ZNF383: variants seen among roughly 807,000 people sequenced by gnomAD.
ZNF383 encodes zinc finger protein 383.
A neutral mutation model predicts 44.2 loss-of-function variants in ZNF383; 32 were observed. That is an observed-to-expected ratio of 0.72 (90% CI 0.55 to 0.97). ZNF383 has a LOEUF of 0.97. Ranked by LOEUF, ZNF383 falls within the 50% of genes least tolerant of loss-of-function variation. The probability of loss-of-function intolerance (pLI) is 0.00; values close to 1 mark genes in which losing one functional copy is unlikely to be tolerated. For synonymous variants in ZNF383, 155 were observed against 186.2 expected, an observed-to-expected ratio of 0.83 and a Z score of 1.36; for missense variants, 487 against 562.5, an observed-to-expected ratio of 0.87 and a Z score of 1.36.
intron 5 of ZNF383, among the ~76,000 whole-genome samples, chr19:37,239,621 C>G (rs148594413): frequency 6.6e-6 from 1 of 152,176 alleles, no homozygotes; most frequent in East Asian, 1.9e-4. Flanking sequence ...CAGGCAGGAG[C>G]CACAGCATTC....
Position 37,247,037 on chromosome 19 carries a change from A to G in ZNF383, c.*3373A>G, listed in dbSNP as rs548785112. On this transcript the variant is annotated 3_prime_UTR_variant, in exon 6 of 6. Coordinates refer to ENST00000684119, the MANE Select transcript of ZNF383 (RefSeq NM_001387601.1). ...ACATGGGTTAAGGAATAAATCCCTA[A>G]TATATACATTATTTAAATGTACATG... The G allele has an allele frequency of 3.9e-5, 6 of 152,330 alleles. 1 individual carries two copies. The highest frequency in any genetic ancestry group is 3.9e-4 in the Admixed American group (6 of 15,296). 9.4% of individuals were successfully genotyped at this position (152,330 alleles called of 1,614,324 possible).
rs1227096639 is a variant in ZNF383 at position 37,243,321 on chromosome 19, G to A, written c.1085G>A (p.Gly362Asp). 3 of 1,614,122 alleles carry A rather than the reference G, an allele frequency of 1.9e-6. No individual in the cohort carries two copies. Among genetic ancestry groups the A allele is most frequent in the East Asian group, 2.2e-5 (1 of 44,866 alleles). Residue 362 changes from glycine (G) to aspartate (D), a missense_variant, in exon 6 of 6, where the codon GGT becomes GAT. By Grantham distance (94) the Gly-to-Asp change is moderately conservative. Coordinates refer to ENST00000684119, the MANE Select transcript of ZNF383 (RefSeq NM_001387601.1). ...ALTNHQRIHT[G>D]EKPYDCKECG... ...ACTAATCATCAGAGAATTCACACTG[G>A]TGAGAAACCCTATGATTGTAAGGAA...
chr19:37,238,740 AT>A (rs1316396033), intron 5 of ZNF383, among the ~76,000 whole-genome samples: 2 of 152,092 alleles, frequency 1.3e-5, no homozygotes, highest in African/African-American at 4.8e-5. Flanking sequence ...CCTGTAGATG[AT>A]TTTGGGTCTT....
Position 37,223,783 on chromosome 19 carries a change from C to A in ZNF383, c.-167-1035C>A, listed in dbSNP as rs1302627207. On this transcript the variant is annotated intron_variant, in intron 1 of 5. Transcript: ENST00000684119. ...GCGCAGTGGCTCACACCTGTAATCCCAGCACTTTGGGAGGCCCAGGCTGGT... is the reference window on the plus strand; with the variant it reads ...GCGCAGTGGCTCACACCTGTAATCCAAGCACTTTGGGAGGCCCAGGCTGGT... Among the ~76,000 whole-genome samples, 3 of 152,148 alleles carry A rather than the reference C, an allele frequency of 2.0e-5. No individual in the cohort carries two copies. The East Asian group carries it at 5.8e-4, about 29-fold the overall frequency.
Position 37,243,425 on chromosome 19 carries a change from C to T in ZNF383, c.1189C>T (p.Leu397Phe). The change falls in exon 6 of 6, where the codon CTT becomes TTT. Residue 397 changes from leucine (L) to phenylalanine (F), a missense_variant. Coordinates refer to ENST00000684119, the MANE Select transcript of ZNF383 (RefSeq NM_001387601.1). ...IHAGEKPFEC[L>F]ECGKAFTQNS... ...CGCTGGTGAGAAACCCTTTGAATGT[C>T]TTGAATGTGGGAAGGCCTTTACTCA... 1 of 1,613,098 alleles carries T rather than the reference C, an allele frequency of 6.2e-7. No homozygotes were observed. The highest frequency in any genetic ancestry group is 2.2e-5 in the East Asian group (1 of 44,768).
chr19:37,247,143 T>C lies in ZNF383; in HGVS notation c.*3479T>C, dbSNP rs1355892583. 2 of 152,122 alleles carry C rather than the reference T, an allele frequency of 1.3e-5. No individual in the cohort carries two copies. The highest frequency in any genetic ancestry group is 4.8e-5 in the African/African-American group (2 of 41,428). The allele number at this position is 152,122 out of a possible 1,614,324, so 9.4% of individuals were successfully genotyped here. ...TTATAACCTAATATTTGTGCATATATTGTAATACTAGGAAGAAAAAATATA... is the reference window on the plus strand; with the variant it reads ...TTATAACCTAATATTTGTGCATATACTGTAATACTAGGAAGAAAAAATATA... On this transcript the variant is annotated 3_prime_UTR_variant, in exon 6 of 6. Transcript: ENST00000684119.
intron 1 of ZNF383, among the ~76,000 whole-genome samples, chr19:37,218,908 T>G (rs75437071): frequency 0.015 from 2,250 of 152,144 alleles, 64 homozygotes; most frequent in African/African-American, 0.051. Context: ...AACTGTAACT[T>G]TGTGTGGCTC....
intron 2 of ZNF383, chr19:37,227,564 C>T (rs561892417): frequency 6.6e-6 from 1 of 152,212 alleles, no homozygotes; most frequent in East Asian, 1.9e-4. Context: ...TGTGTGGAGA[C>T]GAGAGATTGT....
At chr19:37,227,397 A>G (rs922982940) in intron 2 of ZNF383, among the ~76,000 whole-genome samples, 4 of 152,188 alleles carry the variant, frequency 2.6e-5, no homozygotes, top group African/African-American at 9.7e-5. Flanking sequence ...TACAGGCATG[A>G]GCCACCGCGC....
chr19:37,241,550 T>C (rs1244813117), intron 5 of ZNF383, among the ~76,000 whole-genome samples: 3 of 152,150 alleles, frequency 2.0e-5, no homozygotes, highest in African/African-American at 4.8e-5. Context: ...TTATTGAGGT[T>C]TTATTACACA....
At chr19:37,227,585 A>T (rs1356329181) in intron 2 of ZNF383, 2 of 152,494 alleles carry the variant, frequency 1.3e-5, no homozygotes, top group Non-Finnish European at 2.9e-5. Flanking sequence ...AGAAATAAAG[A>T]CCCAAGACAG....
intron 1 of ZNF383, among the ~76,000 whole-genome samples, chr19:37,220,431 A>G (rs557533206): frequency 6.6e-6 from 1 of 152,084 alleles, no homozygotes; most frequent in South Asian, 2.1e-4. Flanking sequence ...TGCCTGGCTA[A>G]TTTTTATATT....
chr19:37,236,150 T>G, intron 5 of ZNF383, 76 bp downstream of exon 5: 2 of 1,096,060 alleles, frequency 1.8e-6, no homozygotes, highest in Non-Finnish European at 2.7e-6. Flanking sequence ...AACAGCACCT[T>G]TGAGATGTTA....
chr19:37,237,889 G>T (rs1241577937), intron 5 of ZNF383, among the ~76,000 whole-genome samples: 1 of 150,650 alleles, frequency 6.6e-6, no homozygotes, highest in African/African-American at 2.4e-5. Flanking sequence ...TTGAGACAGG[G>T]TCTCACTCTG....
At position 37,244,544 on chromosome 19, in the gene ZNF383, A is replaced by AT. The variant is rs1280614228; in HGVS notation, c.*886dup. 2 of 151,340 alleles carry AT rather than the reference A, an allele frequency of 1.3e-5. No individual in the cohort carries two copies. The highest frequency in any genetic ancestry group is 2.0e-4 in the East Asian group (1 of 5,112). The allele number at this position is 151,340 out of a possible 1,614,324, so 9.4% of individuals were successfully genotyped here. On this transcript the variant is annotated 3_prime_UTR_variant, in exon 6 of 6. Coordinates refer to ENST00000684119, the MANE Select transcript of ZNF383 (RefSeq NM_001387601.1). ...AGGCATGTGCCACAACACCCGGCTA[A>AT]TTTTTTGTATTTTTAGTAGAGACGG...
intron 3 of ZNF383, among the ~76,000 whole-genome samples, chr19:37,232,272 A>G (rs1427346802): frequency 6.6e-6 from 1 of 151,946 alleles, no homozygotes; most frequent in African/African-American, 2.4e-5. Flanking sequence ...ACTGGGTTTC[A>G]TCATGTTGGC....
chr19:37,242,769 C>T lies in ZNF383; in HGVS notation c.533C>T (p.Ala178Val), dbSNP rs762810246. Residue 178 changes from alanine to valine, a missense_variant, in exon 6 of 6, where the codon GCC becomes GTC. Coordinates refer to ENST00000684119, the MANE Select transcript of ZNF383 (RefSeq NM_001387601.1). Reference sequence around the variant, plus strand: ...TATGAATGTAAGAAATGTGGAAAGGCCTTTAGTCAGAACTCACAATTTATT... The same window carrying T: ...TATGAATGTAAGAAATGTGGAAAGGTCTTTAGTCAGAACTCACAATTTATT... ...RPYECKKCGK[A>V]FSQNSQFIQH... is the part of the protein sequence containing the mutation. The T allele has an allele frequency of 6.2e-6, 10 of 1,613,962 alleles. No homozygotes were observed. In the African/African-American group the frequency reaches 1.3e-4, roughly 22 times the overall value.
chr19:37,226,291 C>G (rs1240867338), intron 2 of ZNF383, among the ~76,000 whole-genome samples: 3 of 152,126 alleles, frequency 2.0e-5, no homozygotes, highest in Non-Finnish European at 2.9e-5. Flanking sequence ...ATGGTCTCCC[C>G]CATCATCAAC....
rs1299085922 is a variant in ZNF383, at chr19:37,248,308, A to G, written c.*4644A>G. ...AAATTATCTATTTTTAAAATTTGTC[A>G]TAATCCTGATGTTACAACCTACTAG... On this transcript the variant is annotated 3_prime_UTR_variant, in exon 6 of 6. Transcript: ENST00000684119. 6.6e-6 allele frequency: 1 copy of G among 152,228 alleles called. No individual in the cohort carries two copies. The highest frequency in any genetic ancestry group is 1.5e-5 in the Non-Finnish European group (1 of 68,044). The allele number at this position is 152,228 out of a possible 1,614,324, so 9.4% of individuals were successfully genotyped here.
Sources: gnomAD v4.1 joint callset for allele counts (sites outside exome capture counted in the v4.1 genomes callset) on GRCh38, gnomAD v4.1.1 for gene constraint, MANE v1.5 for transcripts, NCBI Gene and HGNC (gene_info 2026-07-23, HGNC 2026-07-21) for gene names.